MESP1: variants seen among roughly 807,000 people sequenced by gnomAD.
MESP1 encodes mesoderm posterior protein 1.
A neutral mutation model predicts 15.2 loss-of-function variants in MESP1; 22 were observed. That is an observed-to-expected ratio of 1.45 (90% CI 1.04 to 2.07). The LOEUF (loss-of-function observed/expected upper bound fraction) is 2.07, where lower values mean the gene tolerates loss of function less well. MESP1 is among the 30% of genes most tolerant of loss of function. MESP1 has a pLI of 0.00. For synonymous variants in MESP1, 216 were observed against 192.6 expected (o/e 1.12, Z -1.01); for missense variants, 484 against 411.9 (o/e 1.17, Z -1.51).
chr15:89,750,467 C>A, intron 1 of MESP1, 42 bp downstream of exon 1: 1 of 1,441,892 alleles, frequency 6.9e-7, no homozygotes, highest in Non-Finnish European at 9.1e-7. Flanking sequence ...GGGCTGTGCG[C>A]GGGGGCACGG....
chr15:89,737,245 C>T, the MESP1 span, among the ~76,000 whole-genome samples: 1 of 152,168 alleles, frequency 6.6e-6, no homozygotes, highest in Non-Finnish European at 1.5e-5. Flanking sequence ...GCATTGGGAG[C>T]ACAGGTGAGA....
At chr15:89,735,439 AC>A in the MESP1 span, 51 of 1,586,282 alleles carry the variant, frequency 3.2e-5, no homozygotes, top group Non-Finnish European at 4.2e-5. Flanking sequence ...GGATATCAAA[AC>A]TTTTAAACTC....
chr15:89,740,495 T>G, the MESP1 span, among the ~76,000 whole-genome samples: 1 of 151,704 alleles, frequency 6.6e-6, no homozygotes, highest in Non-Finnish European at 1.5e-5. Context: ...AGGGTTTTTG[T>G]TTTTTGTTTT....
Position 89,751,024 on chromosome 15 carries a change from C to A in MESP1, c.208G>T (p.Gly70Cys). Reference protein sequence around the residue: ...TLRDPRAPSVGRRGARSSRLG... With the variant: ...TLRDPRAPSVCRRGARSSRLG... Reference sequence around the variant, plus strand: ...CGGCTGCTGCGCGCGCCGCGCCTACCTACGGAGGGGGCGCGGGGGTCCCGG... The same window carrying A: ...CGGCTGCTGCGCGCGCCGCGCCTACATACGGAGGGGGCGCGGGGGTCCCGG... Residue 70 changes from glycine (G) to cysteine (C), a missense_variant, in exon 1 of 2, where the codon GGT becomes TGT. Gly to Cys is a radical substitution (Grantham distance 159). Transcript: ENST00000300057. The A allele has an allele frequency of 7.4e-7, 1 of 1,353,164 alleles. No homozygotes were observed. 83.8% of individuals were successfully genotyped at this position (1,353,164 alleles called of 1,614,324 possible).
the MESP1 span, among the ~76,000 whole-genome samples, chr15:89,735,133 A>G: frequency 2.0e-5 from 3 of 152,086 alleles, no homozygotes; most frequent in Non-Finnish European, 2.9e-5. Flanking sequence ...TGGGCCCCCA[A>G]AGTGCTGGGA....
downstream of MESP1, among the ~76,000 whole-genome samples, chr15:89,748,460 G>A (rs572832785): frequency 1.3e-5 from 2 of 152,228 alleles, no homozygotes; most frequent in African/African-American, 2.4e-5. Flanking sequence ...GGCCCGGGCC[G>A]GAGTACTGGA....
the MESP1 span, chr15:89,737,448 C>T: frequency 7.7e-7 from 1 of 1,306,648 alleles, no homozygotes; most frequent in Admixed American, 2.0e-5. Flanking sequence ...GATCCAGAGG[C>T]TGGGGCCCAA....
downstream of MESP1, among the ~76,000 whole-genome samples, chr15:89,747,131 CACACACACACACACA>C (rs1967985148): frequency 3.3e-5 from 5 of 150,000 alleles, no homozygotes; most frequent in African/African-American, 9.7e-5. Context: ...CACACACACA[CACACACACACACACA>C]CCCCTACCTT....
chr15:89,749,789 A>C, downstream of MESP1: 1 of 232,266 alleles, frequency 4.3e-6, no homozygotes, highest in South Asian at 6.8e-5. Context: ...TAAAGATTGC[A>C]AGAACCCCTC....
downstream of MESP1, among the ~76,000 whole-genome samples, chr15:89,746,859 CCA>C (rs140214445): frequency 0.13 from 14,270 of 106,608 alleles, 1,860 homozygotes; most frequent in Non-Finnish European, 0.2. Context: ...AGCCCTGCCG[CCA>C]CACACACACA....
chr15:89,736,997 T>C, the MESP1 span, among the ~76,000 whole-genome samples: 11 of 152,170 alleles, frequency 7.2e-5, no homozygotes, highest in Non-Finnish European at 1.5e-4. Flanking sequence ...TTCACCGTGT[T>C]AGCCAGGATG....
chr15:89,733,234 G>A, the MESP1 span: 1 of 1,604,870 alleles, frequency 6.2e-7, no homozygotes, highest in East Asian at 2.2e-5. Context: ...GTAGCTTGAG[G>A]GTGGGACGGG....
chr15:89,738,730 T>A, the MESP1 span, among the ~76,000 whole-genome samples: 3 of 149,978 alleles, frequency 2.0e-5, no homozygotes, highest in African/African-American at 7.4e-5. Context: ...AGAAAAAGAG[T>A]CATTAATTCA....
downstream of MESP1, among the ~76,000 whole-genome samples, chr15:89,745,671 G>A (rs747028545): frequency 2.0e-5 from 3 of 152,114 alleles, no homozygotes; most frequent in Admixed American, 6.5e-5. This position sits in a 1 kb window ranked among gnomAD's most constrained non-coding sequence, Gnocchi z 4.8. Flanking sequence ...AGCTGAGACA[G>A]GAAAATGGCA....
the MESP1 span, among the ~76,000 whole-genome samples, chr15:89,732,455 C>T: frequency 6.6e-6 from 1 of 152,312 alleles, no homozygotes; most frequent in Non-Finnish European, 1.5e-5. Context: ...CTAAGATAAA[C>T]ACCACTAAAG....
chr15:89,739,920 C>A, the MESP1 span, among the ~76,000 whole-genome samples: 5,776 of 152,230 alleles, frequency 0.038, 397 homozygotes, highest in African/African-American at 0.13. Context: ...TTGAAGTAGA[C>A]TGGTTAAGAT....
chr15:89,744,400 G>C, the MESP1 span, among the ~76,000 whole-genome samples: 5,774 of 152,296 alleles, frequency 0.038, 399 homozygotes, highest in African/African-American at 0.13. Context: ...CAACATACCT[G>C]TTGGCAGTAA....
At position 89,750,922 on chromosome 15, in the gene MESP1, C is replaced by T. The variant is rs771329728; in HGVS notation, c.310G>A (p.Glu104Lys). The change falls in exon 1 of 2, where the codon GAG becomes AAG. Residue 104 changes from glutamate to lysine, a missense_variant. Coordinates refer to ENST00000300057, the MANE Select transcript of MESP1 (RefSeq NM_018670.4). ...RMRTLARALH[E>K]LRRFLPPSVA... ...GACGGCGGTAGAAAGCGGCGCAGCT[C>T]GTGCAGGGCGCGGGCCAGCGTGCGC... The T allele has an allele frequency of 4.9e-5, 73 of 1,475,820 alleles. No homozygotes were observed. The highest frequency in any genetic ancestry group is 7.8e-5 in the South Asian group (6 of 76,976). The allele number at this position is 1,475,820 out of a possible 1,614,324, so 91.4% of individuals were successfully genotyped here.
At chr15:89,747,029 C>T (rs1403313092), downstream of MESP1, among the ~76,000 whole-genome samples, 2 of 146,192 alleles carry the variant, frequency 1.4e-5, no homozygotes, top group East Asian at 4.0e-4. Flanking sequence ...ACACACAGCC[C>T]CACCACACAC....
Sources: allele counts gnomAD v4.1 joint callset (sites outside exome capture counted in the v4.1 genomes callset), GRCh38; gene constraint gnomAD v4.1.1; non-coding constraint Gnocchi (gnomAD v3.1); transcripts MANE v1.5; gene names NCBI Gene and HGNC (gene_info 2026-07-23, HGNC 2026-07-21).